FOXN3: variants seen among roughly 807,000 people sequenced by gnomAD.
The protein encoded by FOXN3 is forkhead box protein N3.
FOXN3 carries 7 observed loss-of-function variants against 38.4 expected under a neutral mutation model. That is an observed-to-expected ratio of 0.18 (90% CI 0.10 to 0.34). The LOEUF is 0.34. Ranked by LOEUF, FOXN3 falls within the 10% of genes least tolerant of loss-of-function variation. The pLI, the probability that FOXN3 is intolerant of heterozygous loss-of-function variation, is 1.00. For synonymous variants in FOXN3, 230 were observed against 242.2 expected (o/e 0.95, Z 0.47); for missense variants, 456 against 613.4 (o/e 0.74, Z 2.71).
intron 2 of FOXN3, among the ~76,000 whole-genome samples, chr14:89,389,778 A>G (rs756550299): frequency 5.9e-5 from 9 of 152,206 alleles, no homozygotes; most frequent in Non-Finnish European, 1.2e-4. Flanking sequence ...CAAATCCACC[A>G]GTCATCTCAC....
chr14:89,467,800 C>CTTTCTTTT (rs1383456566), intron 1 of FOXN3, among the ~76,000 whole-genome samples: 18 of 57,908 alleles, frequency 3.1e-4, no homozygotes, highest in African/African-American at 9.6e-4. Flanking sequence ...TCTTTTCTTT[C>CTTTCTTTT]TTTGTTTTTT....
intron 1 of FOXN3, among the ~76,000 whole-genome samples, chr14:89,521,180 C>T (rs1248656436): frequency 1.3e-5 from 2 of 151,882 alleles, no homozygotes; most frequent in South Asian, 2.1e-4. Context: ...TGTGGTGGTG[C>T]GTGCCTGTAA....
At chr14:89,272,780 GAAGCAT>G (rs2139906462) in intron 4 of FOXN3, among the ~76,000 whole-genome samples, 1 of 152,250 alleles carries the variant, frequency 6.6e-6, no homozygotes, top group South Asian at 2.1e-4. Context: ...TTGAATCTGG[GAAGCAT>G]AAGTTGCAGT....
chr14:89,365,687 C>T (rs967033119), intron 2 of FOXN3, among the ~76,000 whole-genome samples: 1 of 152,128 alleles, frequency 6.6e-6, no homozygotes, highest in African/African-American at 2.4e-5. Flanking sequence ...GGCACAGAAG[C>T]ATTTAAAAAA....
At chr14:89,502,327 C>T (rs960534133) in intron 1 of FOXN3, among the ~76,000 whole-genome samples, 6 of 152,128 alleles carry the variant, frequency 3.9e-5, no homozygotes, top group South Asian at 4.2e-4. Flanking sequence ...AGGGAAGGAC[C>T]GGGGTCTTCA....
intron 1 of FOXN3, among the ~76,000 whole-genome samples, chr14:89,566,476 T>TA (rs1321183597): frequency 1.1e-4 from 17 of 152,246 alleles, no homozygotes; most frequent in African/African-American, 3.6e-4. Context: ...GCTTAGCTTT[T>TA]AAAATCACAA....
At chr14:89,481,984 C>G (rs1053758744) in intron 1 of FOXN3, among the ~76,000 whole-genome samples, 2 of 152,122 alleles carry the variant, frequency 1.3e-5, no homozygotes, top group East Asian at 3.8e-4. Flanking sequence ...GACCCTGCAC[C>G]TAGCCCATAC....
intron 4 of FOXN3, among the ~76,000 whole-genome samples, chr14:89,247,109 T>C (rs1468829056): frequency 1.3e-5 from 2 of 152,084 alleles, no homozygotes; most frequent in Admixed American, 6.5e-5. Context: ...TGTCCATCCA[T>C]CTGAACACCC....
intron 1 of FOXN3, among the ~76,000 whole-genome samples, chr14:89,618,318 A>G (rs1018938252): frequency 1.3e-5 from 2 of 152,188 alleles, no homozygotes; most frequent in African/African-American, 4.8e-5. Flanking sequence ...CCCTTCCCCA[A>G]ATGTCATCCC....
chr14:89,304,396 CAG>C (rs1292194636), intron 3 of FOXN3, among the ~76,000 whole-genome samples: 1 of 152,004 alleles, frequency 6.6e-6, no homozygotes, highest in Non-Finnish European at 1.5e-5. Flanking sequence ...GCGGTGAAGA[CAG>C]GAGAGAGATG....
At chr14:89,396,378 G>A (rs533082939) in intron 2 of FOXN3, among the ~76,000 whole-genome samples, 23 of 152,282 alleles carry the variant, frequency 1.5e-4, no homozygotes, top group Middle Eastern at 3.4e-3. Context: ...CAAGGCTTTC[G>A]GCACAGATCT....
upstream of FOXN3, chr14:89,419,938 G>T (rs145873216): frequency 2.2e-4 from 34 of 152,426 alleles, no homozygotes; most frequent in African/African-American, 6.7e-4. Flanking sequence ...CCCAAAATAG[G>T]AAGAGTCCGA....
intron 2 of FOXN3, among the ~76,000 whole-genome samples, chr14:89,398,423 TG>T (rs753523241): frequency 2.6e-5 from 4 of 152,258 alleles, no homozygotes; most frequent in Admixed American, 2.0e-4. Flanking sequence ...CGCTCAACCC[TG>T]TGATTACGGG....
intron 4 of FOXN3, among the ~76,000 whole-genome samples, chr14:89,225,041 A>G (rs1293984422): frequency 6.7e-6 from 1 of 150,174 alleles, no homozygotes; most frequent in East Asian, 2.0e-4. Context: ...AGACAGAAGA[A>G]TCCCTTCAAC....
In FOXN3 at chr14:89,360,763, C is replaced by G. The variant is rs1200345842; in HGVS notation, c.544-9955G>C. ...AGCACCACCTCCACCACCACCTCCA[C>G]CACTACCACCTCCACCACCACCTCC... On this transcript the variant is annotated intron_variant, in intron 2 of 5. Transcript: ENST00000557258. 5.9e-3 allele frequency among the ~76,000 whole-genome samples: 538 copies of G among 91,880 alleles called. 20 individuals carry two copies. The highest frequency in any genetic ancestry group is 0.019 in the African/African-American group (325 of 17,146). 60.3% of individuals were successfully genotyped at this position (91,880 alleles called of 152,430 possible).
intron 5 of FOXN3, among the ~76,000 whole-genome samples, chr14:89,173,018 G>C (rs576065984): frequency 6.6e-6 from 1 of 152,138 alleles, no homozygotes; most frequent in Non-Finnish European, 1.5e-5. Context: ...AATTGAAAGA[G>C]AGTGAAAAGA....
intron 4 of FOXN3, among the ~76,000 whole-genome samples, chr14:89,229,073 A>G (rs1285444337): frequency 6.6e-6 from 1 of 152,216 alleles, no homozygotes; most frequent in East Asian, 1.9e-4. Context: ...CAGAACAACC[A>G]ATACAGCCCT....
chr14:89,254,282 G>A (rs1340413455), intron 4 of FOXN3, among the ~76,000 whole-genome samples: 1 of 152,214 alleles, frequency 6.6e-6, no homozygotes, highest in East Asian at 1.9e-4. Flanking sequence ...TCATCGCCAT[G>A]CTATCCTGCC....
intron 2 of FOXN3, among the ~76,000 whole-genome samples, chr14:89,372,377 C>T (rs1413312385): frequency 6.6e-6 from 1 of 152,166 alleles, no homozygotes; most frequent in East Asian, 1.9e-4. Flanking sequence ...CTTGTAAGTG[C>T]ATCATCAATG....
Sources: gnomAD v4.1 joint callset for allele counts (sites outside exome capture counted in the v4.1 genomes callset) on GRCh38, gnomAD v4.1.1 for gene constraint, MANE v1.5 for transcripts, NCBI Gene and HGNC (gene_info 2026-07-23, HGNC 2026-07-21) for gene names.